The following TRPM3 variants were observed in gnomAD, a reference collection of about 807,000 sequenced individuals.
TRPM3 encodes the protein transient receptor potential cation channel subfamily M member 3, also known as long transient receptor potential channel 3.
TRPM3 carries 77 observed loss-of-function variants against 181.2 expected under a neutral mutation model. The observed-to-expected ratio is 0.42, with a 90% CI of 0.35 to 0.51. The LOEUF is 0.51. Ranked by LOEUF, TRPM3 falls within the 20% of genes least tolerant of loss-of-function variation. The pLI is 0.01. For synonymous variants in TRPM3, 745 were observed against 796.4 expected (o/e 0.94, Z 1.09); for missense variants, 1,759 against 2,196.7 (o/e 0.80, Z 3.98).
Position 71,420,989 on chromosome 9 carries a change from G to GAGAGAAAAAGAGAGAAAA in TRPM3, c.183+25663_183+25664insTTTTCTCTCTTTTTCTCT, listed in dbSNP as rs1554658569. ...AGGGAGAGAAAAAGAGAGAGAAAAA[G>GAGAGAAAAAGAGAGAAAA]AGAGAGAAAAAGAGAGAAAAAGAGA... On this transcript the variant is annotated intron_variant, in intron 1 of 24. Coordinates refer to the TRPM3 transcript ENST00000357533. Among the ~76,000 whole-genome samples, 450 of 101,830 alleles carry GAGAGAAAAAGAGAGAAAA rather than the reference G, an allele frequency of 4.4e-3. 16 individuals are homozygous for GAGAGAAAAAGAGAGAAAA. Among genetic ancestry groups the GAGAGAAAAAGAGAGAAAA allele is most frequent in the African/African-American group, 0.012 (261 of 22,408 alleles). 66.8% of individuals were successfully genotyped at this position (101,830 alleles called of 152,430 possible). A position where few individuals can be genotyped will look rare whatever the true frequency, so the allele number is the denominator to read the frequency against.
At chr9:70,867,431 CG>C (rs1424459600) in intron 1 of TRPM3, among the ~76,000 whole-genome samples, 2 of 152,000 alleles carry the variant, frequency 1.3e-5, no homozygotes, top group Admixed American at 6.6e-5. Flanking sequence ...AGCTAGTTAG[CG>C]TTTCAGTAAA....
chr9:71,233,611 A>C (rs1439077184), intron 1 of TRPM3, among the ~76,000 whole-genome samples: 1 of 152,236 alleles, frequency 6.6e-6, no homozygotes, highest in African/African-American at 2.4e-5. Flanking sequence ...CACGAATCCT[A>C]GGAAACTGCA....
At chr9:71,138,049 G>T (rs2074873026) in intron 1 of TRPM3, among the ~76,000 whole-genome samples, 1 of 152,004 alleles carries the variant, frequency 6.6e-6, no homozygotes, top group Non-Finnish European at 1.5e-5. Context: ...GTGAGCTAGA[G>T]GTTGGAGTGA....
chr9:71,396,876 G>C (rs557793020), intron 1 of TRPM3, among the ~76,000 whole-genome samples: 1 of 151,126 alleles, frequency 6.6e-6, no homozygotes, highest in Admixed American at 6.6e-5. Context: ...TGAGGCAGGA[G>C]AATCGCTTGA....
chr9:71,091,604 T>A (rs2066233322), intron 1 of TRPM3, among the ~76,000 whole-genome samples: 1 of 152,064 alleles, frequency 6.6e-6, no homozygotes, highest in Non-Finnish European at 1.5e-5. Context: ...AACCCAATAT[T>A]TAGCAACATT....
intron 8 of TRPM3, among the ~76,000 whole-genome samples, chr9:70,692,326 T>C (rs2068840804): frequency 6.6e-6 from 1 of 152,260 alleles, no homozygotes; most frequent in Non-Finnish European, 1.5e-5. Flanking sequence ...AATAGTGTGA[T>C]GAACATCTTT....
chr9:70,862,541 C>T (rs185148920), intron 3 of TRPM3, among the ~76,000 whole-genome samples: 234 of 151,978 alleles, frequency 1.5e-3, no homozygotes, highest in Non-Finnish European at 2.5e-3. Flanking sequence ...ACATTCTCAC[C>T]AAAGGGATAA....
chr9:70,931,259 C>T (rs909310510), intron 1 of TRPM3, among the ~76,000 whole-genome samples: 4 of 151,834 alleles, frequency 2.6e-5, no homozygotes, highest in African/African-American at 4.8e-5. Context: ...ATGTATAATT[C>T]GAATTTAGAG....
chr9:71,379,731 CT>C (rs1222395808), intron 1 of TRPM3, among the ~76,000 whole-genome samples: 15 of 151,808 alleles, frequency 9.9e-5, no homozygotes, highest in Middle Eastern at 3.4e-3. Context: ...CTTGGTCAGT[CT>C]TTATATGTTG....
intron 1 of TRPM3, among the ~76,000 whole-genome samples, chr9:71,096,882 T>A (rs2067375124): frequency 6.6e-6 from 1 of 152,094 alleles, no homozygotes; most frequent in Non-Finnish European, 1.5e-5. Flanking sequence ...TCAAAAATAA[T>A]CAGAATTTAC....
In TRPM3 at chr9:70,596,034, CCTTT is replaced by C. The variant is rs1477425062; in HGVS notation, c.3048+2381_3048+2384del. 5.9e-5 allele frequency among the ~76,000 whole-genome samples: 9 copies of C among 152,106 alleles called. 1 individual carries two copies. The highest frequency in any genetic ancestry group is 5.2e-4 in the Admixed American group (8 of 15,266). On this transcript the variant is annotated intron_variant, in intron 21 of 25. Coordinates refer to ENST00000677713, the MANE Select transcript of TRPM3 (RefSeq NM_001366145.2). ...ATAATAACTATACTCACCAATTTTT[CCTTT>C]CTTTCATTGTATTTAAAAAATGCAA...
intron 9 of TRPM3, among the ~76,000 whole-genome samples, chr9:70,656,930 T>TG (rs945061161): frequency 1.6e-5 from 2 of 124,646 alleles, no homozygotes; most frequent in Non-Finnish European, 3.4e-5. Context: ...AAAAAAGTGT[T>TG]TTTTTTTTGG....
chr9:71,241,055 T>C (rs1369745301), intron 1 of TRPM3, among the ~76,000 whole-genome samples: 1 of 152,210 alleles, frequency 6.6e-6, no homozygotes, highest in Non-Finnish European at 1.5e-5. Flanking sequence ...TGCTCTCAGT[T>C]AGTTGGCTTC....
At position 70,610,652 on chromosome 9, in the gene TRPM3, T is replaced by C. The variant is rs1472630848; in HGVS notation, c.2624A>G (p.Tyr875Cys). 1.9e-6 allele frequency: 3 copies of C among 1,614,176 alleles called. No homozygotes were observed. Among genetic ancestry groups the C allele is most frequent in the Admixed American group, 1.7e-5 (1 of 60,018 alleles). ...CACGATGGGTGCATTGTAGAATTCA[T>C]AGATTTTTCTGCCGAGGGGGATTAA... The part of the protein sequence containing the change: ...HRLIPLGRKI[Y>C]EFYNAPIVKF... Residue 875 changes from tyrosine (Y) to cysteine (C), a missense_variant, in exon 19 of 26, where the codon TAT becomes TGT. By Grantham distance (194) the Tyr-to-Cys change is radical. This residue lies in a region of TRPM3 where 114 missense variants were observed against 134.8 expected (regional missense o/e 0.85). Coordinates refer to ENST00000677713, the MANE Select transcript of TRPM3 (RefSeq NM_001366145.2).
At chr9:70,788,240 C>T (rs1456143603) in intron 6 of TRPM3, among the ~76,000 whole-genome samples, 1 of 146,040 alleles carries the variant, frequency 6.8e-6, no homozygotes, top group Non-Finnish European at 1.5e-5. Context: ...TCAATTCCCA[C>T]CTTTATGGAT....
chr9:70,578,204 G>T (rs546042837), intron 22 of TRPM3, among the ~76,000 whole-genome samples: 5 of 151,284 alleles, frequency 3.3e-5, no homozygotes, highest in Non-Finnish European at 7.4e-5. Context: ...ATCACAAATG[G>T]TGAGCTGGAT....
intron 1 of TRPM3, among the ~76,000 whole-genome samples, chr9:71,044,290 G>A (rs1316857294): frequency 2.6e-5 from 4 of 151,982 alleles, no homozygotes; most frequent in African/African-American, 7.2e-5. Flanking sequence ...CCAAACACCC[G>A]GTCCTCACCA....
At chr9:70,542,307 C>T (rs1258184589) in intron 25 of TRPM3, among the ~76,000 whole-genome samples, 1 of 152,088 alleles carries the variant, frequency 6.6e-6, no homozygotes, top group Non-Finnish European at 1.5e-5. Context: ...GAGACAGACT[C>T]CTACAGTGAC....
At chr9:71,123,138 G>C (rs1372955235), upstream of TRPM3, among the ~76,000 whole-genome samples, 2 of 152,208 alleles carry the variant, frequency 1.3e-5, no homozygotes, top group African/African-American at 4.8e-5. Flanking sequence ...AGGCTGTAAA[G>C]ACAAGCTTTC....
Sources: allele counts gnomAD v4.1 joint callset (sites outside exome capture counted in the v4.1 genomes callset), GRCh38; gene constraint gnomAD v4.1.1; regional missense constraint gnomAD v4.1.1; transcripts MANE v1.5; gene names NCBI Gene and HGNC (gene_info 2026-07-23, HGNC 2026-07-21).